Variants in PTK2 observed in about 807,000 individuals in gnomAD.
PTK2 encodes protein tyrosine kinase 2, also known as focal adhesion kinase 1.
PTK2 carries 45 observed loss-of-function variants against 150.1 expected under a neutral mutation model. The ratio of observed to expected loss-of-function variants is 0.30; its 90% CI spans 0.24 to 0.38. The LOEUF is 0.38. PTK2 is among the 10% of genes least tolerant of loss of function. The probability of loss-of-function intolerance (pLI) is 1.00; values close to 1 mark genes in which losing one functional copy is unlikely to be tolerated. For missense variants in PTK2, 919 were observed against 1,307.3 expected (o/e 0.70, Z 4.58); for synonymous variants, 432 against 449.2 (o/e 0.96, Z 0.48).
chr8:140,890,803 A>G (rs2100153978), intron 2 of PTK2, 34 bp from the exon 3 acceptor site: 2 of 1,549,082 alleles, frequency 1.3e-6, no homozygotes. Context: ...TTTGTGTATA[A>G]TACTTGAAAT....
intron 1 of PTK2, among the ~76,000 whole-genome samples, chr8:140,926,036 A>C (rs758359359): frequency 3.3e-5 from 5 of 152,176 alleles, no homozygotes; most frequent in Non-Finnish European, 5.9e-5. Context: ...CCATTTTACC[A>C]ATGAAGAAAT....
chr8:140,966,337 T>G (rs2100185294), intron 1 of PTK2, among the ~76,000 whole-genome samples: 1 of 152,226 alleles, frequency 6.6e-6, no homozygotes, highest in Non-Finnish European at 1.5e-5. Context: ...TGATAACCGC[T>G]TTTTGCTTTA....
At chr8:140,717,035 C>T (rs1238956503) in intron 23 of PTK2, among the ~76,000 whole-genome samples, 1 of 152,080 alleles carries the variant, frequency 6.6e-6, no homozygotes, top group African/African-American at 2.4e-5. Flanking sequence ...AGAACATAAG[C>T]GGGCAAGTAA....
In PTK2 at chr8:140,673,193, C is replaced by T. The variant is rs78725055; in HGVS notation, c.2709+1105G>A. Among the ~76,000 whole-genome samples, 688 of 151,970 alleles carry T rather than the reference C, an allele frequency of 4.5e-3. 15 individuals carry two copies. In the East Asian group the frequency reaches 0.074, roughly 16 times the overall value. On this transcript the variant is annotated intron_variant, in intron 29 of 31. Transcript: ENST00000522684. ...CATGATCTTGACTCATTGCAACCTCCACCTCCTGGGTTCAAGTGATTCTCC... is the reference window on the plus strand; with the variant it reads ...CATGATCTTGACTCATTGCAACCTCTACCTCCTGGGTTCAAGTGATTCTCC...
chr8:141,000,087 T>TCACACACACACACACA (rs71310820), intron 1 of PTK2, among the ~76,000 whole-genome samples: 36 of 81,648 alleles, frequency 4.4e-4, no homozygotes, highest in South Asian at 1.3e-3. Context: ...TGAAACCAAT[T>TCACACACACACACACA]CACACACACA....
In PTK2 at chr8:140,746,650, A is replaced by G; in HGVS notation, c.1518+110T>C. 11 of 741,060 alleles carry G rather than the reference A, an allele frequency of 1.5e-5. No homozygotes were observed. The South Asian group carries it at 1.6e-4, about 10-fold the overall frequency. 45.9% of individuals were successfully genotyped at this position (741,060 alleles called of 1,614,324 possible). ...CCAAAACCATAATGACATACATCCTAAATCAGAACTCTCCTGAAAATCCAA... is the reference window on the plus strand; with the variant it reads ...CCAAAACCATAATGACATACATCCTGAATCAGAACTCTCCTGAAAATCCAA... On this transcript the variant is annotated intron_variant, in intron 18 of 31. Transcript: ENST00000522684.
At chr8:140,950,821 G>A (rs1268876996) in intron 1 of PTK2, among the ~76,000 whole-genome samples, 1 of 152,168 alleles carries the variant, frequency 6.6e-6, no homozygotes, top group East Asian at 1.9e-4. Flanking sequence ...CTGTATATGA[G>A]AGGACATACA....
Position 140,744,729 on chromosome 8 carries a change from A to T in PTK2, c.1557T>A (p.Asp519Glu), listed in dbSNP as rs2100057689. 2.5e-6 allele frequency: 4 copies of T among 1,608,312 alleles called. No homozygotes were observed. In the East Asian group the frequency reaches 8.9e-5, roughly 36 times the overall value. Residue 519 changes from aspartate (D) to glutamate (E), a missense_variant, in exon 19 of 32, where the codon GAT (aspartate) becomes GAA (glutamate). Physicochemically the swap from Asp to Glu is conservative, Grantham distance 45. Coordinates refer to ENST00000522684, the Ensembl canonical transcript of PTK2. ...AGGCATACAGGATCAAAGATGCTAG[A>T]TCCAAACTGTATTTCCTTACTTGCA...
chr8:140,853,329 A>G (rs2100130517), intron 5 of PTK2, among the ~76,000 whole-genome samples: 1 of 127,270 alleles, frequency 7.9e-6, no homozygotes. Context: ...TCCTAATGCT[A>G]TCCCTCCCCC....
intron 29 of PTK2, chr8:140,669,301 G>GTGCATA (rs1554641612): frequency 1.5e-4 from 15 of 97,984 alleles, no homozygotes; most frequent in African/African-American, 6.5e-4. Flanking sequence ...GCATAAAATG[G>GTGCATA]TATATATATA....
intron 1 of PTK2, among the ~76,000 whole-genome samples, chr8:140,994,213 G>C (rs1035701754): frequency 8.5e-5 from 13 of 152,156 alleles, no homozygotes; most frequent in African/African-American, 2.2e-4. Flanking sequence ...GTGTCTCTCT[G>C]AGGCTTCCAA....
intron 11 of PTK2, 130 bp from the exon 12 acceptor site, chr8:140,800,706 C>A (rs1319448577): frequency 1.5e-6 from 1 of 677,160 alleles, no homozygotes; most frequent in African/African-American, 1.8e-5. Context: ...CAAGATTTGT[C>A]ATGAGATTTG....
intron 1 of PTK2, among the ~76,000 whole-genome samples, chr8:140,974,453 C>A (rs1247755492): frequency 6.6e-6 from 1 of 152,210 alleles, no homozygotes; most frequent in Non-Finnish European, 1.5e-5. Context: ...CAGTCTCCAG[C>A]TCGCTTTTTA....
At chr8:140,758,117 A>T (rs2100066965) in intron 16 of PTK2, among the ~76,000 whole-genome samples, 1 of 152,104 alleles carries the variant, frequency 6.6e-6, no homozygotes, top group Non-Finnish European at 1.5e-5. Flanking sequence ...TTAGAGGCAG[A>T]GTCTCACTCT....
intron 23 of PTK2, among the ~76,000 whole-genome samples, chr8:140,716,601 C>T (rs184563958): frequency 1.3e-5 from 2 of 152,270 alleles, no homozygotes; most frequent in African/African-American, 2.4e-5. Flanking sequence ...TTTACTGTTA[C>T]AGAGCTCAAA....
At chr8:140,662,661 A>G (rs2082268347) in intron 31 of PTK2, 1 of 552,980 alleles carries the variant, frequency 1.8e-6, no homozygotes, top group Non-Finnish European at 3.4e-6. Flanking sequence ...GGAATCACCA[A>G]CAGGAGTTGT....
At chr8:140,763,070 C>A (rs528830797) in intron 15 of PTK2, among the ~76,000 whole-genome samples, 61 of 152,190 alleles carry the variant, frequency 4.0e-4, no homozygotes, top group Non-Finnish European at 7.9e-4. Flanking sequence ...ATGTGCGCCA[C>A]CATGCCAAAA....
At chr8:140,961,534 C>T (rs1360749004) in intron 1 of PTK2, among the ~76,000 whole-genome samples, 1 of 151,812 alleles carries the variant, frequency 6.6e-6, no homozygotes, top group Non-Finnish European at 1.5e-5. Flanking sequence ...TGGTGGCGGG[C>T]ACCTGTAGTC....
intron 27 of PTK2, among the ~76,000 whole-genome samples, chr8:140,676,228 T>C (rs1177556148): frequency 6.6e-6 from 1 of 151,734 alleles, no homozygotes. Flanking sequence ...ACACAAAAAT[T>C]AGCTGGGCGT....
Sources: allele counts gnomAD v4.1 joint callset (sites outside exome capture counted in the v4.1 genomes callset), GRCh38; gene constraint gnomAD v4.1.1; transcripts MANE v1.5; gene names NCBI Gene and HGNC (gene_info 2026-07-23, HGNC 2026-07-21).